NCKAP5: variants seen among roughly 807,000 people sequenced by gnomAD.
The protein encoded by NCKAP5 is NCK associated protein 5, also known as nck-associated protein 5.
In NCKAP5, 92 loss-of-function variants were observed where a neutral mutation model predicts 167.0. That is an observed-to-expected ratio of 0.55 (90% CI 0.47 to 0.66). NCKAP5 has a LOEUF of 0.66. Ranked by LOEUF, NCKAP5 falls within the 30% of genes least tolerant of loss-of-function variation. NCKAP5 has a pLI of 0.00. For synonymous variants in NCKAP5, 891 were observed against 877.4 expected (o/e 1.02, Z -0.27); for missense variants, 2,378 against 2,315.0 (o/e 1.03, Z -0.56).
chr2:132,815,815 T>C (rs984882546), intron 11 of NCKAP5, among the ~76,000 whole-genome samples: 7 of 152,194 alleles, frequency 4.6e-5, no homozygotes, highest in South Asian at 2.1e-4. Flanking sequence ...AATAGCTCAA[T>C]TGATTGGAAT....
At chr2:133,154,950 T>C (rs1344247919) in intron 5 of NCKAP5, among the ~76,000 whole-genome samples, 4 of 152,202 alleles carry the variant, frequency 2.6e-5, no homozygotes. Flanking sequence ...ACACTTAGGC[T>C]CTATACCTGG....
chr2:133,661,386 A>G, the NCKAP5 span, among the ~76,000 whole-genome samples: 1 of 152,226 alleles, frequency 6.6e-6, no homozygotes, highest in Admixed American at 6.5e-5. Context: ...AGCTTATGAA[A>G]TGCTTTTTAA....
intron 5 of NCKAP5, among the ~76,000 whole-genome samples, chr2:133,175,831 G>A (rs1222126771): frequency 2.6e-5 from 4 of 152,058 alleles, no homozygotes; most frequent in Non-Finnish European, 5.9e-5. Context: ...TTTATTTGAG[G>A]GTACACTCTC....
chr2:133,076,613 A>G (rs1221278393), intron 6 of NCKAP5, among the ~76,000 whole-genome samples: 12 of 152,220 alleles, frequency 7.9e-5, no homozygotes, highest in Non-Finnish European at 1.3e-4. Context: ...GCATTCACCT[A>G]AAAGAACACT....
intron 8 of NCKAP5, among the ~76,000 whole-genome samples, chr2:132,882,659 C>T (rs563653961): frequency 8.0e-4 from 121 of 152,112 alleles, no homozygotes; most frequent in Non-Finnish European, 1.5e-3. Context: ...ATTTGAAATT[C>T]GGTTCAGTTC....
chr2:133,274,322 C>G (rs2115865), intron 4 of NCKAP5, among the ~76,000 whole-genome samples: 3 of 151,700 alleles, frequency 2.0e-5, no homozygotes, highest in Non-Finnish European at 2.9e-5. Context: ...TTAGAAGATA[C>G]GAATAAACTT....
intron 2 of NCKAP5, among the ~76,000 whole-genome samples, chr2:133,529,757 T>A (rs994074197): frequency 6.6e-6 from 1 of 152,200 alleles, no homozygotes; most frequent in Non-Finnish European, 1.5e-5. Flanking sequence ...GTGACTTCAT[T>A]GTCTGAATTT....
intron 7 of NCKAP5, among the ~76,000 whole-genome samples, chr2:132,965,422 C>G (rs1047800794): frequency 1.3e-5 from 2 of 152,092 alleles, no homozygotes; most frequent in African/African-American, 4.8e-5. Context: ...AAAGAAGTAC[C>G]TTTACTTCTC....
intron 6 of NCKAP5, among the ~76,000 whole-genome samples, chr2:133,102,248 G>A (rs1295058198): frequency 6.6e-6 from 1 of 152,184 alleles, no homozygotes; most frequent in Non-Finnish European, 1.5e-5. Flanking sequence ...CCGGGTTCAA[G>A]TGATTCTCCT....
chr2:133,475,045 G>A (rs905431391), intron 3 of NCKAP5, among the ~76,000 whole-genome samples: 2 of 152,056 alleles, frequency 1.3e-5, no homozygotes, highest in South Asian at 2.1e-4. Flanking sequence ...TCCTGACCTC[G>A]TGATCCGCCC....
intron 6 of NCKAP5, among the ~76,000 whole-genome samples, chr2:133,007,585 A>G (rs1002459571): frequency 3.3e-5 from 5 of 152,140 alleles, no homozygotes; most frequent in Non-Finnish European, 7.4e-5. Flanking sequence ...TCTTATTGAC[A>G]TAAAGTCTGG....
intron 5 of NCKAP5, among the ~76,000 whole-genome samples, chr2:133,186,495 C>A (rs189639776): frequency 6.6e-6 from 1 of 151,942 alleles, no homozygotes; most frequent in East Asian, 1.9e-4. Context: ...GAAGCCCCTG[C>A]TCCTCAATTT....
At chr2:133,573,556 G>A in the NCKAP5 span, among the ~76,000 whole-genome samples, 2 of 152,274 alleles carry the variant, frequency 1.3e-5, no homozygotes, top group South Asian at 4.1e-4. Flanking sequence ...ACCAGCGTAG[G>A]TTCTAGGCCC....
chr2:133,175,721 T>C (rs1004205549), intron 5 of NCKAP5, among the ~76,000 whole-genome samples: 3 of 152,230 alleles, frequency 2.0e-5, no homozygotes, highest in Non-Finnish European at 4.4e-5. Context: ...TGTCTGCCTC[T>C]GTCTCTTACT....
At chr2:133,039,550 T>G (rs1201911095) in intron 6 of NCKAP5, among the ~76,000 whole-genome samples, 1 of 152,152 alleles carries the variant, frequency 6.6e-6, no homozygotes, top group Non-Finnish European at 1.5e-5. Context: ...TGCTGCACAC[T>G]CTATCATCTG....
chr2:133,469,409 G>A (rs966353186), intron 3 of NCKAP5, among the ~76,000 whole-genome samples: 3 of 151,848 alleles, frequency 2.0e-5, no homozygotes, highest in Non-Finnish European at 4.4e-5. Flanking sequence ...TCCCTTTGAG[G>A]GTAACCCGAC....
the NCKAP5 span, among the ~76,000 whole-genome samples, chr2:133,673,685 C>A: frequency 1.2e-4 from 19 of 152,322 alleles, no homozygotes; most frequent in African/African-American, 4.6e-4. Flanking sequence ...GGGCCTACCA[C>A]CGTTTATCTT....
rs549704574 is a variant in NCKAP5 at position 133,438,402 on chromosome 2, C to T, written c.69+79056G>A. Among the ~76,000 whole-genome samples the T allele has an allele frequency of 2.0e-4, 30 of 152,280 alleles. No individual in the cohort carries two copies. In the East Asian group the frequency reaches 5.8e-3, roughly 29 times the overall value. ...ATGGAAAGCTTTGCATAAATAAATT[C>T]TTTTATGATTATACTTGTAACACAT... On this transcript the variant is annotated intron_variant, in intron 3 of 19. Coordinates refer to ENST00000409261, the MANE Select transcript of NCKAP5 (RefSeq NM_207363.3).
chr2:133,017,258 C>T (rs1291153115), intron 6 of NCKAP5, among the ~76,000 whole-genome samples: 2 of 152,184 alleles, frequency 1.3e-5, no homozygotes, highest in East Asian at 3.9e-4. Flanking sequence ...TTAAATTAAT[C>T]CTGTCCACCT....
Sources: allele counts gnomAD v4.1 joint callset (sites outside exome capture counted in the v4.1 genomes callset), GRCh38; gene constraint gnomAD v4.1.1; transcripts MANE v1.5; gene names NCBI Gene and HGNC (gene_info 2026-07-23, HGNC 2026-07-21).